The following COG5 variants were observed in gnomAD, a reference collection of about 807,000 sequenced individuals.
COG5 encodes the protein component of oligomeric golgi complex 5.
COG5 carries 86 observed loss-of-function variants against 110.4 expected under a neutral mutation model. The observed-to-expected ratio is 0.78, with a 90% CI of 0.65 to 0.93. COG5 has a LOEUF of 0.93. Ranked by LOEUF, COG5 falls within the 40% of genes least tolerant of loss-of-function variation. The pLI is 0.00. For synonymous variants in COG5, 360 were observed against 334.6 expected (o/e 1.08, Z -0.83); for missense variants, 1,077 against 987.0 (o/e 1.09, Z -1.22).
At chr7:107,262,977 ATT>A (rs1803488547) in intron 14 of COG5, among the ~76,000 whole-genome samples, 2 of 152,036 alleles carry the variant, frequency 1.3e-5, no homozygotes, top group African/African-American at 4.8e-5. Context: ...TCTTATTCAA[ATT>A]TTCTTTTCAC....
chr7:107,319,817 G>A (rs1809096324), intron 11 of COG5, among the ~76,000 whole-genome samples: 3 of 152,072 alleles, frequency 2.0e-5, no homozygotes, highest in Non-Finnish European at 4.4e-5. Flanking sequence ...AACATCACCT[G>A]CTGGGTGTGG....
At chr7:107,427,861 A>G (rs939109399) in intron 6 of COG5, among the ~76,000 whole-genome samples, 4 of 152,104 alleles carry the variant, frequency 2.6e-5, no homozygotes, top group East Asian at 3.9e-4. Context: ...GGCAGAGAAG[A>G]GTGTTATTAA....
chr7:107,533,279 G>A (rs527508227), intron 5 of COG5, among the ~76,000 whole-genome samples: 6 of 151,564 alleles, frequency 4.0e-5, no homozygotes, highest in Admixed American at 1.3e-4. Context: ...GGATCACAAC[G>A]CCTCACCAGC....
intron 6 of COG5, among the ~76,000 whole-genome samples, chr7:107,423,920 G>A (rs1793462221): frequency 6.6e-6 from 1 of 151,942 alleles, no homozygotes; most frequent in East Asian, 1.9e-4. Flanking sequence ...AAGAATGCAG[G>A]AAAACAATGA....
At chr7:107,491,211 T>G (rs1797956481) in intron 6 of COG5, among the ~76,000 whole-genome samples, 1 of 152,148 alleles carries the variant, frequency 6.6e-6, no homozygotes, top group Non-Finnish European at 1.5e-5. Context: ...CCTTCTGTCC[T>G]GCAATTATCA....
intron 11 of COG5, among the ~76,000 whole-genome samples, chr7:107,314,582 CAAAAAAAAAAA>C (rs764317288): frequency 1.8e-5 from 1 of 55,060 alleles, no homozygotes; most frequent in Non-Finnish European, 4.0e-5. Context: ...ATCTCTACTA[CAAAAAAAAAAA>C]AAAAAAAAAA....
At chr7:107,557,759 G>C (rs1803431560) in intron 2 of COG5, among the ~76,000 whole-genome samples, 1 of 152,198 alleles carries the variant, frequency 6.6e-6, no homozygotes, top group African/African-American at 2.4e-5. Context: ...TGAACAGGAA[G>C]TATGAATGAA....
At chr7:107,243,172 C>T (rs970688503) in intron 17 of COG5, among the ~76,000 whole-genome samples, 1 of 152,068 alleles carries the variant, frequency 6.6e-6, no homozygotes, top group African/African-American at 2.4e-5. Flanking sequence ...TATATATGGA[C>T]CCAACACAGG....
In COG5 at chr7:107,202,137, C is replaced by T. The variant is rs1006438718; in HGVS notation, c.*1379G>A. ...AGTTAATAGCATTGGGATATAGTCA[C>T]TGTAATGGTGCTATTAACAAACAGT... is the stretch of plus-strand genomic sequence containing the variant. On this transcript the variant is annotated 3_prime_UTR_variant, in exon 22 of 22. Coordinates refer to ENST00000297135, the MANE Select transcript of COG5 (RefSeq NM_006348.5). 6.5e-6 allele frequency: 1 copy of T among 152,682 alleles called. No homozygotes were observed. 9.5% of individuals were successfully genotyped at this position (152,682 alleles called of 1,614,324 possible).
intron 19 of COG5, among the ~76,000 whole-genome samples, chr7:107,226,553 C>G (rs867375574): frequency 7.2e-5 from 11 of 152,324 alleles, no homozygotes; most frequent in Middle Eastern, 3.4e-3. Context: ...CATGGGTAAG[C>G]TTTCTCAAGT....
chr7:107,402,825 C>T (rs1278866494), intron 7 of COG5, among the ~76,000 whole-genome samples: 1 of 152,148 alleles, frequency 6.6e-6, no homozygotes, highest in Non-Finnish European at 1.5e-5. Context: ...TGCTCTACAT[C>T]ACCAGTCCTT....
chr7:107,549,694 G>A (rs1389332024), intron 3 of COG5, among the ~76,000 whole-genome samples: 3 of 151,450 alleles, frequency 2.0e-5, no homozygotes, highest in Non-Finnish European at 4.4e-5. Context: ...GAGCCACCAC[G>A]CCTGGCCTTG....
chr7:107,225,370 T>G (rs1268087838), intron 19 of COG5, among the ~76,000 whole-genome samples: 1 of 152,090 alleles, frequency 6.6e-6, no homozygotes, highest in Non-Finnish European at 1.5e-5. Flanking sequence ...AGTATTTGAC[T>G]TTTCTGACTA....
At chr7:107,397,443 T>C (rs917590356) in intron 7 of COG5, among the ~76,000 whole-genome samples, 3 of 151,968 alleles carry the variant, frequency 2.0e-5, no homozygotes, top group African/African-American at 2.4e-5. Context: ...CCACTATTAA[T>C]CTAGCTTGCT....
chr7:107,300,685 A>G (rs778820645), intron 11 of COG5, among the ~76,000 whole-genome samples: 1 of 152,186 alleles, frequency 6.6e-6, no homozygotes, highest in African/African-American at 2.4e-5. Flanking sequence ...ATATAAATGG[A>G]AAGAGAGAAT....
chr7:107,386,654 C>G (rs1790228305), intron 7 of COG5, among the ~76,000 whole-genome samples: 1 of 152,160 alleles, frequency 6.6e-6, no homozygotes, highest in Non-Finnish European at 1.5e-5. Context: ...CTGCTTGAAG[C>G]TAGTGGAACC....
At chr7:107,325,300 T>C (rs187308258) in intron 10 of COG5, among the ~76,000 whole-genome samples, 243 of 152,356 alleles carry the variant, frequency 1.6e-3, no homozygotes, top group African/African-American at 5.6e-3. Context: ...TACAATATAA[T>C]ACTGCCAATA....
chr7:107,504,746 G>C (rs1006586738), intron 6 of COG5, among the ~76,000 whole-genome samples: 1 of 152,136 alleles, frequency 6.6e-6, no homozygotes, highest in Non-Finnish European at 1.5e-5. Context: ...ATGTTTCCAG[G>C]AATTTATCCA....
rs543237122 is a variant in COG5 at position 107,260,945 on chromosome 7, TTTTG to T, written c.1576-2566_1576-2563del. ...TCCAACACCACTCTTGTCATAGTTT[TTTTG>T]TTTGTTTGTTTTTGTTTTTTTTTTA... On this transcript the variant is annotated intron_variant, in intron 14 of 21. Coordinates refer to ENST00000297135, the MANE Select transcript of COG5 (RefSeq NM_006348.5). 3.3e-3 allele frequency among the ~76,000 whole-genome samples: 503 copies of T among 151,722 alleles called. 4 individuals carry two copies. The highest frequency in any genetic ancestry group is 0.011 in the African/African-American group (472 of 41,226).
Sources: allele counts gnomAD v4.1 joint callset (sites outside exome capture counted in the v4.1 genomes callset), GRCh38; gene constraint gnomAD v4.1.1; transcripts MANE v1.5; gene names NCBI Gene and HGNC (gene_info 2026-07-23, HGNC 2026-07-21).